Variants in GLMN observed in about 807,000 individuals in gnomAD.
GLMN encodes glomulin.
GLMN carries 75 observed loss-of-function variants against 87.8 expected under a neutral mutation model. The observed-to-expected ratio is 0.85, with a 90% CI of 0.71 to 1.04. GLMN has a LOEUF of 1.04. Ranked by LOEUF, GLMN falls within the 50% of genes least tolerant of loss-of-function variation. The pLI, the probability that GLMN is intolerant of heterozygous loss-of-function variation, is 0.00. For missense variants in GLMN, 588 were observed against 658.8 expected, an observed-to-expected ratio of 0.89 and a Z score of 1.18; for synonymous variants, 206 against 221.6, an observed-to-expected ratio of 0.93 and a Z score of 0.63.
chr1:92,325,701 A>G, the GLMN span, among the ~76,000 whole-genome samples: 1 of 152,168 alleles, frequency 6.6e-6, no homozygotes, highest in Non-Finnish European at 1.5e-5. Flanking sequence ...AGGTCATTAC[A>G]AGTAAACTAG....
the GLMN span, among the ~76,000 whole-genome samples, chr1:92,359,803 AG>A: frequency 6.6e-6 from 1 of 152,212 alleles, no homozygotes; most frequent in Non-Finnish European, 1.5e-5. Flanking sequence ...TGAAATGGCA[AG>A]AGGCAGAGGA....
chr1:92,357,820 C>G, the GLMN span, among the ~76,000 whole-genome samples: 1 of 152,372 alleles, frequency 6.6e-6, no homozygotes, highest in South Asian at 2.1e-4. Context: ...GCGTGAGCCA[C>G]CATACCCTGC....
At chr1:92,321,362 T>C in the GLMN span, among the ~76,000 whole-genome samples, 2 of 152,330 alleles carry the variant, frequency 1.3e-5, no homozygotes, top group African/African-American at 2.4e-5. Flanking sequence ...GACAGCCCCA[T>C]GGCTATATAG....
At chr1:92,262,115 A>C (rs1655126927) in intron 16 of GLMN, among the ~76,000 whole-genome samples, 1 of 152,168 alleles carries the variant, frequency 6.6e-6, no homozygotes, top group East Asian at 1.9e-4. Context: ...TTTTCTCATA[A>C]ACCTTCATCC....
rs757141596 is a variant in GLMN, at chr1:92,246,479, CAT to C, written c.*49_*50del. On this transcript the variant is annotated 3_prime_UTR_variant, in exon 19 of 19. Transcript: ENST00000370360. ...TTTTTTATAAAGGTATTAAATGAATCATAATGGAAAGTACTATATTTTATTAG... is the reference window on the plus strand; with the variant it reads ...TTTTTTATAAAGGTATTAAATGAATCAATGGAAAGTACTATATTTTATTAG... 8.5e-6 allele frequency: 7 copies of C among 821,418 alleles called. No homozygotes were observed. In the South Asian group the frequency reaches 8.8e-5, roughly 10 times the overall value. The allele number at this position is 821,418 out of a possible 1,614,324, so 50.9% of individuals were successfully genotyped here. A position where few individuals can be genotyped will look rare whatever the true frequency, so the allele number is the denominator to read the frequency against.
intron 16 of GLMN, among the ~76,000 whole-genome samples, chr1:92,256,573 A>C (rs1218275211): frequency 1.3e-5 from 2 of 152,234 alleles, no homozygotes; most frequent in African/African-American, 4.8e-5. Flanking sequence ...AGTTGGCTTC[A>C]TCCCTGTGAT....
the GLMN span, among the ~76,000 whole-genome samples, chr1:92,353,512 C>G: frequency 2.0e-5 from 3 of 152,260 alleles, no homozygotes; most frequent in Admixed American, 6.5e-5. Flanking sequence ...TGAGTACTTT[C>G]AAGCTAAAAA....
At position 92,264,150 on chromosome 1, in the gene GLMN, T is replaced by C. The variant is rs576500919; in HGVS notation, c.1299+404A>G. ...GGGCAACACAGTGAAACTCCATCTC[T>C]ACAAAATCAAAATTCAGCCAGGCGC... On this transcript the variant is annotated intron_variant, in intron 14 of 18. Transcript: ENST00000370360. Among the ~76,000 whole-genome samples, 4 of 152,114 alleles carry C rather than the reference T, an allele frequency of 2.6e-5. No individual in the cohort carries two copies. In the South Asian group the frequency reaches 8.3e-4, roughly 32 times the overall value.
At chr1:92,289,765 T>C (rs1166040406) in intron 5 of GLMN, among the ~76,000 whole-genome samples, 1 of 152,170 alleles carries the variant, frequency 6.6e-6, no homozygotes, top group Admixed American at 6.5e-5. Context: ...AGTAGTAGCT[T>C]TGCTATGCCC....
chr1:92,290,263 A>G lies in GLMN; in HGVS notation c.329T>C (p.Ile110Thr). Reference protein sequence around the residue: ...KELLLGLLELIEEPSGKQISQ... With the variant: ...KELLLGLLELTEEPSGKQISQ... ...TATCTGTTTTCCAGAGGGCTCTTCA[A>G]TCAGTTCAAGCAAACCCAACAATAA... The change falls in exon 5 of 19, where the codon ATT becomes ACT. Residue 110 changes from isoleucine to threonine, a missense_variant. By Grantham distance (89) the Ile-to-Thr change is moderately conservative. Transcript: ENST00000370360. 1 of 1,610,384 alleles carries G rather than the reference A, an allele frequency of 6.2e-7. No individual in the cohort carries two copies. The highest frequency in any genetic ancestry group is 1.1e-5 in the South Asian group (1 of 91,014).
the GLMN span, among the ~76,000 whole-genome samples, chr1:92,332,284 G>A: frequency 3.3e-5 from 5 of 151,608 alleles, no homozygotes; most frequent in East Asian, 1.9e-4. Context: ...TTTAAATACC[G>A]TATTTTTCTA....
chr1:92,285,628 C>A (rs1468809436), intron 7 of GLMN, among the ~76,000 whole-genome samples: 2 of 152,088 alleles, frequency 1.3e-5, no homozygotes, highest in African/African-American at 4.8e-5. Flanking sequence ...AAAGAAATCA[C>A]CTTACATACA....
Position 92,263,664 on chromosome 1 carries a change from G to A in GLMN, c.1368C>T (p.Leu456=). Residue 456 remains leucine, a synonymous_variant, in exon 15 of 19, where the codon CTC becomes CTT. Coordinates refer to ENST00000370360, the MANE Select transcript of GLMN (RefSeq NM_053274.3). ...LISLLDLVLF[L]PEGAETDLLQ... ...GTAAATCTGTTTCTGCACCCTCTGG[G>A]AGAAAAAGTACCAAATCAAGAAGGG... 6.3e-7 allele frequency: 1 copy of A among 1,593,878 alleles called. No homozygotes were observed. Among genetic ancestry groups the A allele is most frequent in the Admixed American group, 1.7e-5 (1 of 59,978 alleles).
At chr1:92,334,519 C>T in the GLMN span, among the ~76,000 whole-genome samples, 7 of 152,048 alleles carry the variant, frequency 4.6e-5, no homozygotes, top group African/African-American at 1.2e-4. Flanking sequence ...AATGACATGA[C>T]GACAGGGATT....
chr1:92,280,803 G>A (rs1026592387), intron 7 of GLMN, among the ~76,000 whole-genome samples: 3 of 152,250 alleles, frequency 2.0e-5, no homozygotes, highest in Admixed American at 6.5e-5. Flanking sequence ...ACCATGGCAC[G>A]AGAACTTCAT....
intron 7 of GLMN, among the ~76,000 whole-genome samples, chr1:92,281,134 C>T (rs1004936689): frequency 4.6e-5 from 7 of 152,236 alleles, no homozygotes; most frequent in African/African-American, 1.7e-4. Flanking sequence ...AAAGATACTC[C>T]TTGAGAAGAG....
chr1:92,290,331 C>T, intron 4 of GLMN, 25 bp from the exon 5 acceptor site: 1 of 1,290,832 alleles, frequency 7.7e-7, no homozygotes, highest in Non-Finnish European at 1.1e-6. Context: ...ACAATTGAAC[C>T]TGTTTAATAC....
chr1:92,281,424 AT>A (rs1330165118), intron 7 of GLMN, among the ~76,000 whole-genome samples: 1 of 151,716 alleles, frequency 6.6e-6, no homozygotes, highest in Non-Finnish European at 1.5e-5. Flanking sequence ...ATGGTGAGAG[AT>A]TTTTGTCACC....
chr1:92,358,026 A>C, the GLMN span, among the ~76,000 whole-genome samples: 54 of 152,338 alleles, frequency 3.5e-4, no homozygotes, highest in African/African-American at 1.3e-3. Context: ...TCCTGGGTTC[A>C]AGTGATCCTC....
Sources: allele counts gnomAD v4.1 joint callset (sites outside exome capture counted in the v4.1 genomes callset), GRCh38; gene constraint gnomAD v4.1.1; transcripts MANE v1.5; gene names NCBI Gene and HGNC (gene_info 2026-07-23, HGNC 2026-07-21).